Variants in ATP10A observed in about 807,000 individuals in gnomAD.
The protein encoded by ATP10A is phospholipid-transporting ATPase VA.
Under a neutral mutation model 147.8 loss-of-function variants are expected in ATP10A, and 111 were observed. The observed-to-expected ratio is 0.75, with a 90% CI of 0.64 to 0.88. ATP10A has a LOEUF of 0.88. ATP10A is among the 40% of genes least tolerant of loss of function. The pLI, the probability that ATP10A is intolerant of heterozygous loss-of-function variation, is 0.00. For synonymous variants in ATP10A, 875 were observed against 841.6 expected (o/e 1.04, Z -0.69); for missense variants, 1,927 against 1,959.0 (o/e 0.98, Z 0.31).
chr15:25,825,167 T>C (rs1425013941), intron 1 of ATP10A, among the ~76,000 whole-genome samples: 1 of 152,210 alleles, frequency 6.6e-6, no homozygotes, highest in East Asian at 1.9e-4. Context: ...CTGTGTTTAT[T>C]TAACCTGACT....
chr15:25,753,699 CATAA>C (rs1320876735), intron 2 of ATP10A, among the ~76,000 whole-genome samples: 26 of 150,740 alleles, frequency 1.7e-4, no homozygotes, highest in African/African-American at 5.3e-4. Flanking sequence ...CTGTGGCTAG[CATAA>C]ATAAAGGGCT....
At chr15:25,727,321 T>C in intron 3 of ATP10A, 55 bp from the exon 4 acceptor site, 1 of 1,409,570 alleles carries the variant, frequency 7.1e-7, no homozygotes, top group Non-Finnish European at 1.0e-6. Context: ...GCCTCATGTC[T>C]GGAGCCGCAA....
intron 1 of ATP10A, among the ~76,000 whole-genome samples, chr15:25,847,946 A>G (rs1311082129): frequency 1.3e-5 from 2 of 151,442 alleles, no homozygotes; most frequent in African/African-American, 4.8e-5. Flanking sequence ...GCCATTTTTT[A>G]ACGGAAATCA....
chr15:25,803,295 T>G (rs1028785829), intron 1 of ATP10A, among the ~76,000 whole-genome samples: 5 of 152,210 alleles, frequency 3.3e-5, no homozygotes, highest in African/African-American at 9.6e-5. Context: ...CATTCATGCA[T>G]TCATGCGTTC....
At chr15:25,725,860 T>C (rs113690541) in intron 5 of ATP10A, 91 bp downstream of exon 5, 30,675 of 1,414,722 alleles carry the variant, frequency 0.022, 431 homozygotes, top group African/African-American at 0.048. Context: ...TCAAGTGATC[T>C]GCCCGCCTCG....
intron 16 of ATP10A, among the ~76,000 whole-genome samples, chr15:25,684,441 G>T (rs1899604280): frequency 6.6e-6 from 1 of 152,214 alleles, no homozygotes; most frequent in Non-Finnish European, 1.5e-5. Flanking sequence ...AAGCGACCCA[G>T]TACATTTAGA....
At chr15:25,740,198 A>G (rs1425937023) in intron 2 of ATP10A, among the ~76,000 whole-genome samples, 1 of 152,266 alleles carries the variant, frequency 6.6e-6, no homozygotes, top group East Asian at 1.9e-4. Flanking sequence ...ATCTTGAAAC[A>G]GCAGTGATGT....
chr15:25,861,796 G>C (rs2140929511), intron 1 of ATP10A: 1 of 154,022 alleles, frequency 6.5e-6, no homozygotes, highest in South Asian at 2.0e-4. Context: ...CTCAGGGACA[G>C]GGCCTTGAGG....
chr15:25,746,676 A>G (rs1449661289), intron 2 of ATP10A, among the ~76,000 whole-genome samples: 3 of 152,252 alleles, frequency 2.0e-5, no homozygotes, highest in African/African-American at 4.8e-5. Context: ...AATTACTAAA[A>G]GTCCCATTTG....
intron 5 of ATP10A, among the ~76,000 whole-genome samples, chr15:25,725,117 C>T (rs566541040): frequency 3.9e-5 from 6 of 152,246 alleles, no homozygotes; most frequent in Non-Finnish European, 8.8e-5. Context: ...GTCAGATCAG[C>T]GGCAGCATTC....
rs1900223514 is a variant in ATP10A, at chr15:25,694,806, C to G, written c.3088+13G>C. ...AGCTGGGAGGAGGCCGTCTGGCCAGCTGGGATACTTGCCTATGGCCAGGGT... is the reference window on the plus strand; with the variant it reads ...AGCTGGGAGGAGGCCGTCTGGCCAGGTGGGATACTTGCCTATGGCCAGGGT... On this transcript the variant is annotated intron_variant, in intron 14 of 20. Coordinates refer to ENST00000555815, the MANE Select transcript of ATP10A (RefSeq NM_024490.4). The G allele has an allele frequency of 6.3e-7, 1 of 1,595,002 alleles. No homozygotes were observed. The highest frequency in any genetic ancestry group is 8.6e-7 in the Non-Finnish European group (1 of 1,168,130).
At chr15:25,724,740 G>C (rs910548795) in intron 5 of ATP10A, among the ~76,000 whole-genome samples, 2 of 152,080 alleles carry the variant, frequency 1.3e-5, no homozygotes, top group African/African-American at 4.8e-5. Flanking sequence ...TCTTCCCCTG[G>C]AATTACCACC....
At chr15:25,767,591 G>C (rs902396032) in intron 2 of ATP10A, among the ~76,000 whole-genome samples, 5 of 152,196 alleles carry the variant, frequency 3.3e-5, no homozygotes, top group Non-Finnish European at 5.9e-5. Flanking sequence ...GTGGTTCTTA[G>C]TGCAGAAGAG....
At chr15:25,794,009 G>T (rs1200279657) in intron 1 of ATP10A, among the ~76,000 whole-genome samples, 1 of 152,220 alleles carries the variant, frequency 6.6e-6, no homozygotes, top group Non-Finnish European at 1.5e-5. Context: ...GTATGGGAGG[G>T]AGAGAAGGGT....
At chr15:25,787,575 G>A (rs567943304) in intron 1 of ATP10A, among the ~76,000 whole-genome samples, 1 of 148,298 alleles carries the variant, frequency 6.7e-6, no homozygotes, top group East Asian at 2.0e-4. Flanking sequence ...TTGCGCCACT[G>A]CAGTCCAGCC....
intron 5 of ATP10A, 41 bp downstream of exon 5, chr15:25,725,910 G>A (rs200466644): frequency 2.1e-4 from 333 of 1,576,270 alleles, no homozygotes; most frequent in Non-Finnish European, 2.7e-4. Context: ...GAGCCACTGC[G>A]CCTGGCCCCC....
At chr15:25,823,789 CAAACTT>C (rs1393189517) in intron 1 of ATP10A, among the ~76,000 whole-genome samples, 1 of 152,200 alleles carries the variant, frequency 6.6e-6, no homozygotes, top group Non-Finnish European at 1.5e-5. Flanking sequence ...TAGTAATAAG[CAAACTT>C]AAAGTTAACA....
At chr15:25,851,747 C>A (rs923594949) in intron 1 of ATP10A, among the ~76,000 whole-genome samples, 1 of 152,026 alleles carries the variant, frequency 6.6e-6, no homozygotes, top group African/African-American at 2.4e-5. Context: ...TAAATGACAC[C>A]TAAAATTCTT....
rs67294220 is a variant in ATP10A at position 25,705,440 on chromosome 15, C to CA, written c.2575+2535dup. On this transcript the variant is annotated intron_variant, in intron 12 of 20. Coordinates refer to ENST00000555815, the MANE Select transcript of ATP10A (RefSeq NM_024490.4). ...GACAGAGTGAGACTCTGTCTCAAAG[C>CA]AAAAAAAAAAAAACAAAAAAAAAAA... Among the ~76,000 whole-genome samples the CA allele has an allele frequency of 5.8e-3, 497 of 86,052 alleles. 5 individuals carry two copies. Among genetic ancestry groups the CA allele is most frequent in the South Asian group, 0.016 (40 of 2,446 alleles). The allele number at this position is 86,052 out of a possible 152,430, so 56.5% of individuals were successfully genotyped here. A position where few individuals can be genotyped will look rare whatever the true frequency, so the allele number is the denominator to read the frequency against.
Sources: gnomAD v4.1 joint callset for allele counts (sites outside exome capture counted in the v4.1 genomes callset) on GRCh38, gnomAD v4.1.1 for gene constraint, MANE v1.5 for transcripts, NCBI Gene and HGNC (gene_info 2026-07-23, HGNC 2026-07-21) for gene names.